Variants in CACNA1D observed in about 807,000 individuals in gnomAD.
CACNA1D encodes calcium voltage-gated channel subunit alpha1 D, also known as voltage-dependent L-type calcium channel subunit alpha-1D.
In CACNA1D, 55 loss-of-function variants were observed where a neutral mutation model predicts 257.1. That is an observed-to-expected ratio of 0.21 (90% CI 0.17 to 0.27). The LOEUF (loss-of-function observed/expected upper bound fraction) is 0.27. CACNA1D is among the 10% of genes least tolerant of loss of function. The pLI is 1.00. For missense variants in CACNA1D, 1,876 were observed against 2,784.0 expected, an observed-to-expected ratio of 0.67 and a Z score of 7.34; for synonymous variants, 980 against 1,014.9, an observed-to-expected ratio of 0.97 and a Z score of 0.65.
intron 8 of CACNA1D, among the ~76,000 whole-genome samples, chr3:53,685,826 A>G (rs546201596): frequency 1.6e-4 from 24 of 152,296 alleles, no homozygotes; most frequent in East Asian, 7.7e-4. Context: ...TCAGTAAGGA[A>G]GAAAGGTTTA....
intron 3 of CACNA1D, among the ~76,000 whole-genome samples, chr3:53,562,656 C>CT (rs78422896): frequency 0.21 from 32,060 of 151,754 alleles, 4,025 homozygotes; most frequent in Middle Eastern, 0.32. Flanking sequence ...TAAATGCCTC[C>CT]CCCCCCAAAT....
At chr3:53,807,700 G>A (rs2095574256) in intron 45 of CACNA1D, 1 of 152,470 alleles carries the variant, frequency 6.6e-6, no homozygotes, top group South Asian at 2.1e-4. Context: ...CCAGAATTCA[G>A]ACTGATCTCC....
intron 3 of CACNA1D, among the ~76,000 whole-genome samples, chr3:53,543,137 G>T (rs11709630): frequency 0.65 from 95,448 of 146,978 alleles, 31,346 homozygotes; most frequent in African/African-American, 0.77. Flanking sequence ...AATAAAGAAA[G>T]AAATAAATAA....
intron 3 of CACNA1D, among the ~76,000 whole-genome samples, chr3:53,540,286 T>C (rs2092262718): frequency 7.0e-6 from 1 of 142,718 alleles, no homozygotes; most frequent in Non-Finnish European, 1.5e-5. Context: ...GCCCGGCTAA[T>C]TTTTTTTTTT....
chr3:53,773,943 T>G (rs1576625669), intron 33 of CACNA1D: 1 of 152,740 alleles, frequency 6.5e-6, no homozygotes, highest in African/African-American at 2.4e-5. Context: ...GTCTGCTCCC[T>G]AAATCTCACA....
chr3:53,504,541 A>C (rs1429074195), intron 3 of CACNA1D, among the ~76,000 whole-genome samples: 1 of 152,152 alleles, frequency 6.6e-6, no homozygotes, highest in Non-Finnish European at 1.5e-5. Context: ...GTTTCTCTGC[A>C]GCTTTCGTTT....
intron 3 of CACNA1D, among the ~76,000 whole-genome samples, chr3:53,586,859 T>A (rs2093226203): frequency 6.6e-6 from 1 of 152,146 alleles, no homozygotes; most frequent in Non-Finnish European, 1.5e-5. Context: ...AATCTAATAA[T>A]TGAAAATACA....
At chr3:53,641,581 G>C (rs1029754527) in intron 3 of CACNA1D, among the ~76,000 whole-genome samples, 1 of 152,020 alleles carries the variant, frequency 6.6e-6, no homozygotes, top group Admixed American at 6.6e-5. Context: ...GGTGAAGCTG[G>C]GTGCGGAAGT....
chr3:53,561,885 T>G (rs1408436128), intron 3 of CACNA1D, among the ~76,000 whole-genome samples: 4 of 152,368 alleles, frequency 2.6e-5, no homozygotes, highest in Non-Finnish European at 5.9e-5. Flanking sequence ...TCTATAATTT[T>G]TTTATCCCTT....
At chr3:53,699,125 G>A (rs2094598133) in intron 8 of CACNA1D, among the ~76,000 whole-genome samples, 1 of 152,134 alleles carries the variant, frequency 6.6e-6, no homozygotes, top group Admixed American at 6.5e-5. Context: ...AGTTGTGATG[G>A]GAATGGGTTA....
intron 3 of CACNA1D, among the ~76,000 whole-genome samples, chr3:53,592,037 A>G (rs549344644): frequency 9.9e-5 from 15 of 152,282 alleles, no homozygotes; most frequent in South Asian, 4.1e-4. Context: ...CAGCAGTTCA[A>G]TGAGAGTTCC....
chr3:53,801,311 A>T lies in CACNA1D; in HGVS notation c.5294A>T (p.Lys1765Ile). Residue 1765 changes from lysine to isoleucine, a missense_variant, in exon 42 of 48, where the codon AAA (lysine) becomes ATA (isoleucine). Physicochemically the swap from Lys to Ile is moderately radical, Grantham distance 102 (BLOSUM62 -3). Transcript: ENST00000350061. ...AATCTCAATAATGCCAATATGTCCAAAGCTGCCCATGGAAAGCGGCCCAGC... is the reference window on the plus strand; with the variant it reads ...AATCTCAATAATGCCAATATGTCCATAGCTGCCCATGGAAAGCGGCCCAGC... ...NANLNNANMS[K>I]AAHGKRPSIG... 6.2e-7 allele frequency: 1 copy of T among 1,614,150 alleles called. No homozygotes were observed. Among genetic ancestry groups the T allele is most frequent in the African/African-American group, 1.3e-5 (1 of 75,026 alleles).
At chr3:53,782,715 A>C (rs1208559651) in intron 39 of CACNA1D, 1 of 152,260 alleles carries the variant, frequency 6.6e-6, no homozygotes, top group African/African-American at 2.4e-5. Flanking sequence ...GCACAGCCAC[A>C]GGCTCAAAGC....
At chr3:53,651,073 G>T (rs760684037) in intron 4 of CACNA1D, 155 bp downstream of exon 4, 1 of 679,916 alleles carries the variant, frequency 1.5e-6, no homozygotes, top group Non-Finnish European at 2.6e-6. Context: ...TTTAAGGCTG[G>T]TGATGCTGCT....
chr3:53,647,171 G>C (rs910350128), intron 3 of CACNA1D, among the ~76,000 whole-genome samples: 3 of 152,190 alleles, frequency 2.0e-5, no homozygotes, highest in Non-Finnish European at 4.4e-5. Context: ...GTAGTTTCTG[G>C]ACGTTGTTTT....
At chr3:53,768,857 G>A (rs2108992826) in intron 30 of CACNA1D, among the ~76,000 whole-genome samples, 1 of 152,310 alleles carries the variant, frequency 6.6e-6, no homozygotes, top group South Asian at 2.1e-4. Context: ...CCCTCGAGAA[G>A]TGAGCACATC....
At chr3:53,747,543 T>C (rs1211142971) in intron 26 of CACNA1D, 95 bp downstream of exon 26, 2 of 1,296,882 alleles carry the variant, frequency 1.5e-6, no homozygotes, top group East Asian at 4.6e-5. Context: ...TGTTCTCCAG[T>C]GTCGCAGGAT....
chr3:53,623,374 G>A (rs887977809), intron 3 of CACNA1D, among the ~76,000 whole-genome samples: 1 of 152,202 alleles, frequency 6.6e-6, no homozygotes, highest in African/African-American at 2.4e-5. Flanking sequence ...ACCTTCTTTT[G>A]AAATGTATCT....
intron 21 of CACNA1D, among the ~76,000 whole-genome samples, chr3:53,741,720 C>T (rs968997193): frequency 6.6e-6 from 1 of 152,162 alleles, no homozygotes; most frequent in Non-Finnish European, 1.5e-5. Context: ...GCCGCCAGAA[C>T]ACTCACCGGC....
Sources: allele counts gnomAD v4.1 joint callset (sites outside exome capture counted in the v4.1 genomes callset), GRCh38; gene constraint gnomAD v4.1.1; transcripts MANE v1.5; gene names NCBI Gene and HGNC (gene_info 2026-07-23, HGNC 2026-07-21).